ANK3: variants seen among roughly 807,000 people sequenced by gnomAD.
ANK3 encodes ankyrin 3.
A neutral mutation model predicts 370.9 loss-of-function variants in ANK3; 57 were observed. That is an observed-to-expected ratio of 0.15 (90% CI 0.12 to 0.19). The LOEUF (loss-of-function observed/expected upper bound fraction) is 0.19. ANK3 is among the 10% of genes least tolerant of loss of function. ANK3 has a pLI of 1.00. For missense variants in ANK3, 4,439 were observed against 5,302.1 expected (o/e 0.84, Z 5.06); for synonymous variants, 1,929 against 1,946.3 (o/e 0.99, Z 0.23).
At chr10:60,277,254 A>G (rs969282841) in intron 4 of ANK3, among the ~76,000 whole-genome samples, 1 of 152,204 alleles carries the variant, frequency 6.6e-6, no homozygotes, top group African/African-American at 2.4e-5. Context: ...TCCAAAGATA[A>G]TCATACTAGA....
intron 2 of ANK3, among the ~76,000 whole-genome samples, chr10:60,446,650 G>T (rs2064454892): frequency 6.6e-6 from 1 of 152,144 alleles, no homozygotes; most frequent in South Asian, 2.1e-4. Flanking sequence ...ACATGTACAG[G>T]CTCTGAAGCT....
chr10:60,293,016 C>T (rs1201693042), intron 1 of ANK3, among the ~76,000 whole-genome samples: 1 of 152,128 alleles, frequency 6.6e-6, no homozygotes, highest in African/African-American at 2.4e-5. Flanking sequence ...GCCCAGGGTC[C>T]TAAACTTTCT....
chr10:60,157,012 T>C (rs939155163), intron 23 of ANK3, among the ~76,000 whole-genome samples: 1 of 151,096 alleles, frequency 6.6e-6, no homozygotes, highest in Non-Finnish European at 1.5e-5. Context: ...GAATTCAAAA[T>C]AGCTGTCTTG....
At chr10:60,159,729 A>T (rs180895826) in intron 23 of ANK3, among the ~76,000 whole-genome samples, 8 of 152,316 alleles carry the variant, frequency 5.3e-5, no homozygotes, top group Non-Finnish European at 1.2e-4. Flanking sequence ...TTTTCTGACC[A>T]CGATGGAATA....
Position 60,068,668 on chromosome 10 carries a change from G to A in ANK3, c.12213C>T (p.Ala4071=), listed in dbSNP as rs776585821. The A allele has an allele frequency of 3.1e-6, 5 of 1,611,554 alleles. No homozygotes were observed. Among genetic ancestry groups the A allele is most frequent in the Non-Finnish European group, 4.2e-6 (5 of 1,178,542 alleles). ...TTCTACTGCTCCTTTTCTCACTGCC[G>A]GCCTTTTCACTCTTTGATTTTAAAG... ...AAPLKSKSEK[A]GSEKRSSRRT... is the part of the protein sequence containing the mutation. The change falls in exon 37 of 44, where the codon GCC becomes GCT. Residue 4071 remains alanine (A), a synonymous_variant. Transcript: ENST00000280772.
intron 1 of ANK3, among the ~76,000 whole-genome samples, chr10:60,367,450 A>G (rs1001282403): frequency 6.6e-6 from 1 of 152,230 alleles, no homozygotes; most frequent in Non-Finnish European, 1.5e-5. Flanking sequence ...TTGAAATTAG[A>G]GAAAGAAAGA....
chr10:60,146,929 T>C (rs918737237), intron 23 of ANK3, among the ~76,000 whole-genome samples: 1 of 152,230 alleles, frequency 6.6e-6, no homozygotes, highest in Non-Finnish European at 1.5e-5. Flanking sequence ...AGAAATATGG[T>C]AGGATTAGGA....
intron 2 of ANK3, among the ~76,000 whole-genome samples, chr10:60,568,280 C>T (rs1047272604): frequency 9.2e-5 from 14 of 152,122 alleles, no homozygotes; most frequent in Non-Finnish European, 1.8e-4. Flanking sequence ...ACAGCCACCC[C>T]AACCTTTGGC....
intron 43 of ANK3, among the ~76,000 whole-genome samples, chr10:60,031,679 CCA>C (rs1166066955): frequency 2.6e-5 from 4 of 152,102 alleles, no homozygotes; most frequent in African/African-American, 9.7e-5. Flanking sequence ...CCCAGGAGTT[CCA>C]GTGACCTTGA....
At chr10:60,324,913 G>C (rs576357572) in intron 1 of ANK3, among the ~76,000 whole-genome samples, 5 of 152,282 alleles carry the variant, frequency 3.3e-5, no homozygotes, top group Admixed American at 1.3e-4. Flanking sequence ...ACTCCCAGCA[G>C]CCTCTAGATT....
intron 5 of ANK3, among the ~76,000 whole-genome samples, chr10:60,265,466 C>T (rs2097862295): frequency 6.6e-6 from 1 of 152,110 alleles, no homozygotes; most frequent in South Asian, 2.1e-4. Flanking sequence ...TGTGGATTAC[C>T]TAGAGTTGTT....
At chr10:60,683,253 C>T (rs2133393520) in intron 1 of ANK3, among the ~76,000 whole-genome samples, 1 of 152,282 alleles carries the variant, frequency 6.6e-6, no homozygotes, top group South Asian at 2.1e-4. Context: ...AGATTATTAA[C>T]ATAAAATAAG....
rs2085526947 is a variant in ANK3, at chr10:60,082,543, C to A, written c.4323+72G>T. 2.6e-6 allele frequency: 4 copies of A among 1,562,908 alleles called. No homozygotes were observed. In the East Asian group the frequency reaches 6.7e-5, roughly 26 times the overall value. ...AGCTTTATTCATGTTACAAAGCATT[C>A]CTTAATTGCATACCAAAGGCCCACT... On this transcript the variant is annotated intron_variant, in intron 34 of 43. Transcript: ENST00000280772.
At chr10:60,268,039 C>T (rs549399897) in intron 5 of ANK3, among the ~76,000 whole-genome samples, 1 of 152,246 alleles carries the variant, frequency 6.6e-6, no homozygotes, top group Admixed American at 6.5e-5. Context: ...CTCACTGTTG[C>T]CCAGGCTGGA....
At chr10:60,596,772 A>G (rs990878229) in intron 2 of ANK3, among the ~76,000 whole-genome samples, 3 of 152,202 alleles carry the variant, frequency 2.0e-5, no homozygotes, top group Non-Finnish European at 4.4e-5. Context: ...GATTAAAAAA[A>G]TGCAACTATT....
At position 60,166,718 on chromosome 10, in the gene ANK3, C is replaced by T. The variant is rs374465677; in HGVS notation, c.2552-65G>A. 3.8e-5 allele frequency: 61 copies of T among 1,585,738 alleles called. 1 individual carries two copies. In the South Asian group the frequency reaches 4.9e-4, roughly 13 times the overall value. ...ACATACTCTTGATATTACAACAAAACGTTTCAATATTCCTGATAAACATTT... is the reference window on the plus strand; with the variant it reads ...ACATACTCTTGATATTACAACAAAATGTTTCAATATTCCTGATAAACATTT... On this transcript the variant is annotated intron_variant, in intron 22 of 43. Coordinates refer to ENST00000280772, the MANE Select transcript of ANK3 (RefSeq NM_020987.5).
intron 2 of ANK3, among the ~76,000 whole-genome samples, chr10:60,531,690 T>A (rs1272089947): frequency 6.6e-6 from 1 of 152,068 alleles, no homozygotes; most frequent in East Asian, 1.9e-4. Flanking sequence ...GGAACTTTAG[T>A]GAGATTGGTA....
In ANK3 at chr10:60,463,220, C is replaced by CT. The variant is rs530354838; in HGVS notation, c.96+151965dup. ...CACCCAGCCTCCCTAGGTTCTATAG[C>CT]TAAGAAAGTTCTTTCCTCTTTTGGA... On this transcript the variant is annotated intron_variant, in intron 2 of 43. Transcript: ENST00000373827. 1.1e-3 allele frequency among the ~76,000 whole-genome samples: 171 copies of CT among 152,250 alleles called. 1 individual carries two copies. Among genetic ancestry groups the CT allele is most frequent in the African/African-American group, 3.9e-3 (164 of 41,558 alleles).
At chr10:60,153,525 G>A (rs2095229006) in intron 23 of ANK3, among the ~76,000 whole-genome samples, 1 of 152,190 alleles carries the variant, frequency 6.6e-6, no homozygotes, top group Non-Finnish European at 1.5e-5. Flanking sequence ...CATTTATTGA[G>A]ATGGAGAAGG....
Sources: gnomAD v4.1 joint callset for allele counts (sites outside exome capture counted in the v4.1 genomes callset) on GRCh38, gnomAD v4.1.1 for gene constraint, MANE v1.5 for transcripts, NCBI Gene and HGNC (gene_info 2026-07-23, HGNC 2026-07-21) for gene names.